ARHGAP17: variants seen among roughly 807,000 people sequenced by gnomAD.
ARHGAP17 encodes the protein rho GTPase-activating protein 17.
A neutral mutation model predicts 99.5 loss-of-function variants in ARHGAP17; 57 were observed. The ratio of observed to expected loss-of-function variants is 0.57; its 90% CI spans 0.46 to 0.71. The LOEUF (loss-of-function observed/expected upper bound fraction) is 0.71, where lower values mean the gene tolerates loss of function less well. Among genes scored for constraint, ARHGAP17 ranks in the 30% least tolerant of loss-of-function variants. The probability of loss-of-function intolerance (pLI) is 0.00; values close to 1 mark genes in which losing one functional copy is unlikely to be tolerated. For synonymous variants in ARHGAP17, 417 were observed against 429.6 expected (o/e 0.97, Z 0.36); for missense variants, 1,000 against 1,122.4 (o/e 0.89, Z 1.56).
At chr16:24,993,635 G>C (rs1294702593) in intron 1 of ARHGAP17, among the ~76,000 whole-genome samples, 1 of 151,954 alleles carries the variant, frequency 6.6e-6, no homozygotes, top group South Asian at 2.1e-4. Flanking sequence ...ACCCATACAG[G>C]GCAATTTTTA....
At chr16:24,954,785 C>A in intron 9 of ARHGAP17, 55 bp from the exon 10 acceptor site, 1 of 1,599,572 alleles carries the variant, frequency 6.3e-7, no homozygotes, top group Non-Finnish European at 8.5e-7. Flanking sequence ...CATTACCAAG[C>A]TATTTTCTCC....
Position 24,930,801 on chromosome 16 carries a change from G to A in ARHGAP17, c.2498C>T (p.Ala833Val), listed in dbSNP as rs1212194153. 1 of 1,614,058 alleles carries A rather than the reference G, an allele frequency of 6.2e-7. No homozygotes were observed. Among genetic ancestry groups the A allele is most frequent in the East Asian group, 2.2e-5 (1 of 44,896 alleles). Residue 833 changes from alanine (A) to valine (V), a missense_variant, in exon 19 of 20, where the codon GCT becomes GTT. Ala to Val is a moderately conservative substitution (Grantham distance 64, BLOSUM62 0). Coordinates refer to ENST00000289968, the MANE Select transcript of ARHGAP17 (RefSeq NM_001006634.3). ...DSSLTNTAPT[A>V]SKIVTDSNSR... ...CTACTTACCTGTTACTATCTTGGAA[G>A]CTGTTGGTGCTGTGTTGGTGAGGCT... is the stretch of plus-strand genomic sequence containing the variant.
chr16:24,990,485 C>CAAA (rs61603680), intron 1 of ARHGAP17, among the ~76,000 whole-genome samples: 3 of 139,124 alleles, frequency 2.2e-5, no homozygotes, highest in African/African-American at 7.8e-5. Flanking sequence ...GATCTTGTCT[C>CAAA]AAAAAAAAAA....
chr16:24,927,626 A>G (rs1423588914), intron 19 of ARHGAP17: 2 of 971,790 alleles, frequency 2.1e-6, no homozygotes, highest in Non-Finnish European at 2.7e-6. Flanking sequence ...GCATGAGTGC[A>G]CAAATATGAT....
chr16:24,957,741 T>C (rs946558443), intron 9 of ARHGAP17, among the ~76,000 whole-genome samples: 4 of 151,794 alleles, frequency 2.6e-5, no homozygotes, highest in Non-Finnish European at 5.9e-5. Context: ...GGTAAGAAAA[T>C]GCAGGTGGCA....
chr16:24,974,332 G>A (rs1398666256), intron 3 of ARHGAP17, among the ~76,000 whole-genome samples: 1 of 152,208 alleles, frequency 6.6e-6, no homozygotes, highest in Non-Finnish European at 1.5e-5. Context: ...TCGGGAGGCT[G>A]AGGTGGGAGA....
At chr16:24,943,567 T>C (rs562889401) in intron 15 of ARHGAP17, among the ~76,000 whole-genome samples, 10 of 152,348 alleles carry the variant, frequency 6.6e-5, no homozygotes, top group African/African-American at 2.2e-4. Flanking sequence ...GGCTATGTTT[T>C]AGTGAAACTA....
intron 18 of ARHGAP17, among the ~76,000 whole-genome samples, chr16:24,934,764 G>C (rs2051088483): frequency 6.6e-6 from 1 of 152,186 alleles, no homozygotes; most frequent in African/African-American, 2.4e-5. Context: ...GCTGGAAGAA[G>C]TGATTTTTGA....
chr16:24,951,385 C>T (rs955615594), intron 12 of ARHGAP17, among the ~76,000 whole-genome samples: 4 of 152,176 alleles, frequency 2.6e-5, no homozygotes, highest in Non-Finnish European at 5.9e-5. Flanking sequence ...GAGGTAATAG[C>T]TACAAAGATG....
At chr16:25,009,690 ATT>A (rs2053594662) in intron 1 of ARHGAP17, among the ~76,000 whole-genome samples, 2 of 152,170 alleles carry the variant, frequency 1.3e-5, no homozygotes, top group Non-Finnish European at 1.5e-5. Context: ...CCTAGAGGTC[ATT>A]AGATCTCTGT....
chr16:24,935,930 C>T (rs2152453423), intron 17 of ARHGAP17: 1 of 427,416 alleles, frequency 2.3e-6, no homozygotes. Flanking sequence ...TGCCTCAGCA[C>T]CCTGAGTAGC....
At chr16:24,968,510 C>G (rs1161398678) in intron 5 of ARHGAP17, 83 bp from the exon 6 acceptor site, 2 of 1,568,778 alleles carry the variant, frequency 1.3e-6, no homozygotes, top group African/African-American at 2.7e-5. Flanking sequence ...CGTTTTTTCT[C>G]TAAGGCAAAG....
chr16:24,963,152 C>T (rs1241666963), intron 7 of ARHGAP17, among the ~76,000 whole-genome samples: 2 of 152,196 alleles, frequency 1.3e-5, no homozygotes, highest in Admixed American at 6.5e-5. Context: ...GTAAATGACA[C>T]TGACAAAGCT....
At position 24,939,910 on chromosome 16, in the gene ARHGAP17, G is replaced by GT. The variant is rs1208116153; in HGVS notation, c.1491-314dup. ...TGTTTATCCCCATACTTCCTCTGCTGTTTTTTTCCCCCTTTAGACATGTGG... is the reference window on the plus strand; with the variant it reads ...TGTTTATCCCCATACTTCCTCTGCTGTTTTTTTTCCCCCTTTAGACATGTGG... On this transcript the variant is annotated intron_variant, in intron 16 of 19. Transcript: ENST00000289968. 15 of 361,046 alleles carry GT rather than the reference G, an allele frequency of 4.2e-5. No individual in the cohort carries two copies. The Admixed American group carries it at 5.8e-4, about 14-fold the overall frequency. 22.4% of individuals were successfully genotyped at this position (361,046 alleles called of 1,614,324 possible). A position where few individuals can be genotyped will look rare whatever the true frequency, so the allele number is the denominator to read the frequency against.
intron 11 of ARHGAP17, 77 bp from the exon 12 acceptor site, chr16:24,952,447 T>G (rs766383895): frequency 1.8e-6 from 2 of 1,128,192 alleles, no homozygotes; most frequent in Non-Finnish European, 2.6e-6. Context: ...TTTTGCAAAT[T>G]GAAATGATCT....
intron 1 of ARHGAP17, among the ~76,000 whole-genome samples, chr16:24,991,107 A>G (rs1422545825): frequency 6.6e-6 from 1 of 152,252 alleles, no homozygotes; most frequent in Non-Finnish European, 1.5e-5. Context: ...TGTAGGATAC[A>G]GTCAGAACTA....
At chr16:24,922,937 A>G (rs547325356) in intron 19 of ARHGAP17, among the ~76,000 whole-genome samples, 2 of 152,216 alleles carry the variant, frequency 1.3e-5, no homozygotes, top group African/African-American at 2.4e-5. Flanking sequence ...TCGGCTCCCC[A>G]AAGTGCTGGG....
At chr16:24,949,308 T>C in intron 13 of ARHGAP17, 96 bp downstream of exon 13, 2 of 943,560 alleles carry the variant, frequency 2.1e-6, no homozygotes, top group Non-Finnish European at 3.2e-6. Context: ...TTGTTGTTGT[T>C]TTTTAATGTG....
chr16:24,939,646 A>G, intron 16 of ARHGAP17, 49 bp from the exon 17 acceptor site: 1 of 1,536,138 alleles, frequency 6.5e-7, no homozygotes, highest in Non-Finnish European at 8.9e-7. Context: ...CAGACTACTG[A>G]GACAGAAGCC....
Sources: allele counts gnomAD v4.1 joint callset (sites outside exome capture counted in the v4.1 genomes callset), GRCh38; gene constraint gnomAD v4.1.1; transcripts MANE v1.5; gene names NCBI Gene and HGNC (gene_info 2026-07-23, HGNC 2026-07-21).